The following CAMSAP1 variants were observed in gnomAD, a reference collection of about 807,000 sequenced individuals.
CAMSAP1 encodes calmodulin-regulated spectrin-associated protein 1.
CAMSAP1 carries 58 observed loss-of-function variants against 143.5 expected under a neutral mutation model. That is an observed-to-expected ratio of 0.40 (90% CI 0.33 to 0.50). The LOEUF (loss-of-function observed/expected upper bound fraction) is 0.50. CAMSAP1 is among the 20% of genes least tolerant of loss of function. The pLI is 0.45. For missense variants in CAMSAP1, 1,969 were observed against 2,115.7 expected (o/e 0.93, Z 1.36); for synonymous variants, 945 against 859.3 (o/e 1.10, Z -1.74).
chr9:135,890,980 A>C (rs866830664), intron 1 of CAMSAP1, among the ~76,000 whole-genome samples: 4 of 152,338 alleles, frequency 2.6e-5, no homozygotes, highest in Non-Finnish European at 4.4e-5. Flanking sequence ...CTGGAAAGTA[A>C]GCTGCAGCAG....
chr9:135,829,027 A>G (rs1371167377), intron 7 of CAMSAP1, among the ~76,000 whole-genome samples: 2 of 152,252 alleles, frequency 1.3e-5, no homozygotes, highest in African/African-American at 4.8e-5. Flanking sequence ...GTTCATCACC[A>G]CTGCACCTGC....
intron 16 of CAMSAP1, among the ~76,000 whole-genome samples, chr9:135,813,210 C>T (rs138272178): frequency 6.6e-4 from 101 of 152,284 alleles, no homozygotes; most frequent in Middle Eastern, 3.4e-3. Context: ...AAGGCCTCAT[C>T]GCCTCTCCCA....
At chr9:135,892,969 G>A (rs1354590344) in intron 1 of CAMSAP1, among the ~76,000 whole-genome samples, 2 of 151,674 alleles carry the variant, frequency 1.3e-5, no homozygotes, top group African/African-American at 2.4e-5. Flanking sequence ...AGCAGTTTGA[G>A]ACCAGCCTAG....
chr9:135,837,219 G>A (rs1051017330), intron 7 of CAMSAP1, among the ~76,000 whole-genome samples: 2 of 143,702 alleles, frequency 1.4e-5, no homozygotes, highest in South Asian at 2.2e-4. Flanking sequence ...ACGTCACCAC[G>A]GACATTCTAC....
intron 1 of CAMSAP1, among the ~76,000 whole-genome samples, chr9:135,891,179 T>G (rs1838279496): frequency 5.3e-5 from 8 of 152,172 alleles, no homozygotes; most frequent in Admixed American, 5.2e-4. Context: ...GGGGGAATCC[T>G]GAGGGCTCCC....
chr9:135,889,933 G>A (rs938573101), intron 1 of CAMSAP1, among the ~76,000 whole-genome samples: 28 of 152,144 alleles, frequency 1.8e-4, no homozygotes, highest in African/African-American at 6.8e-4. Context: ...AAGAAATCTC[G>A]AGGCCCCCAA....
intron 7 of CAMSAP1, 127 bp from the exon 8 acceptor site, chr9:135,827,711 G>A: frequency 4.6e-6 from 4 of 862,554 alleles, no homozygotes; most frequent in Non-Finnish European, 5.0e-6. Flanking sequence ...AAAAAAAACT[G>A]GTTTCAAGTT....
intron 3 of CAMSAP1, among the ~76,000 whole-genome samples, chr9:135,879,416 C>T (rs938323384): frequency 2.6e-5 from 4 of 151,984 alleles, no homozygotes; most frequent in African/African-American, 9.7e-5. Context: ...CAAAAAAATA[C>T]GGGCAAAGAT....
Position 135,820,929 on chromosome 9 carries a change from G to A in CAMSAP1, c.3732C>T (p.Pro1244=), listed in dbSNP as rs17040507. ...IEVDLSDLKA[P]DEDGELVSLD... is the part of the protein sequence containing the mutation. ...GGCTTACCAGCTCCCCATCCTCGTC[G>A]GGGGCCTTCAGGTCGGAGAGGTCCA... The change falls in exon 11 of 17, where the codon CCC becomes CCT. Residue 1244 remains proline, a synonymous_variant. Coordinates refer to ENST00000389532, the MANE Select transcript of CAMSAP1 (RefSeq NM_015447.4). The surrounding 1 kb of genome is among the most constrained non-coding windows in gnomAD (Gnocchi z 4.4). The A allele has an allele frequency of 1.7e-3, 2,685 of 1,613,686 alleles. 39 individuals are homozygous for A. In the Admixed American group the frequency reaches 0.03, roughly 18 times the overall value.
intron 3 of CAMSAP1, among the ~76,000 whole-genome samples, chr9:135,869,282 C>T (rs1244159398): frequency 6.6e-6 from 1 of 151,972 alleles, no homozygotes; most frequent in Non-Finnish European, 1.5e-5. Context: ...GCAGATGGAG[C>T]TCTTGAGCTC....
intron 7 of CAMSAP1, among the ~76,000 whole-genome samples, chr9:135,843,145 T>C (rs1836421279): frequency 6.6e-6 from 1 of 151,962 alleles, no homozygotes; most frequent in Non-Finnish European, 1.5e-5. Flanking sequence ...CTGACCAACA[T>C]GGAGAAACCC....
In CAMSAP1 at chr9:135,907,420, C is replaced by CAGGGGG. The variant is rs908044122; in HGVS notation, c.-262_-261insCCCCCT. Among the ~76,000 whole-genome samples the CAGGGGG allele has an allele frequency of 1.4e-5, 2 of 145,860 alleles. No homozygotes were observed. The highest frequency in any genetic ancestry group is 4.9e-5 in the African/African-American group (2 of 40,706). On this transcript the variant is annotated 5_prime_UTR_variant, in exon 1 of 17. Coordinates refer to ENST00000389532, the MANE Select transcript of CAMSAP1 (RefSeq NM_015447.4). ...AGAGGCGGCGGCAGGAGGGCGCGGG[C>CAGGGGG]CGGGGGCGGGGGCGGGCGCGGGGGC...
intron 1 of CAMSAP1, among the ~76,000 whole-genome samples, chr9:135,885,243 CCA>C (rs1838085601): frequency 6.6e-6 from 1 of 152,200 alleles, no homozygotes; most frequent in African/African-American, 2.4e-5. Flanking sequence ...GCTAGAAATA[CCA>C]CAGACACACA....
chr9:135,900,062 G>A (rs1357279347), intron 1 of CAMSAP1, among the ~76,000 whole-genome samples: 2 of 152,156 alleles, frequency 1.3e-5, no homozygotes, highest in East Asian at 3.9e-4. Flanking sequence ...ATCTTGCTCT[G>A]TTACCCAAGC....
Position 135,824,478 on chromosome 9 carries a change from G to A in CAMSAP1, c.1315+311C>T, listed in dbSNP as rs989149294. 1.4e-4 allele frequency among the ~76,000 whole-genome samples: 22 copies of A among 152,080 alleles called. No individual in the cohort carries two copies. Among genetic ancestry groups the A allele is most frequent in the Admixed American group, 3.3e-4 (5 of 15,256 alleles). On this transcript the variant is annotated intron_variant, in intron 9 of 16. Coordinates refer to ENST00000389532, the MANE Select transcript of CAMSAP1 (RefSeq NM_015447.4). This position sits in a 1 kb window ranked among gnomAD's most constrained non-coding sequence, Gnocchi z 4.1. ...CTAGGAGATCGAGACCATCCTGGCC[G>A]ACATGATGAAACCCTGTCTCTACTA...
At chr9:135,905,599 A>C (rs1396705615) in intron 1 of CAMSAP1, among the ~76,000 whole-genome samples, 1 of 152,218 alleles carries the variant, frequency 6.6e-6, no homozygotes, top group Non-Finnish European at 1.5e-5. Flanking sequence ...GAAATGTGGA[A>C]AAGTGAAGAT....
At position 135,861,862 on chromosome 9, in the gene CAMSAP1, G is replaced by A. The variant is rs543867158; in HGVS notation, c.808+605C>T. On this transcript the variant is annotated intron_variant, in intron 5 of 16. Coordinates refer to ENST00000389532, the MANE Select transcript of CAMSAP1 (RefSeq NM_015447.4). Reference sequence around the variant, plus strand: ...AGCCCCTGTCCAGACACCCACTGTCGTGCTGGTGACAGTCACTCTCTCTCT... The same window carrying A: ...AGCCCCTGTCCAGACACCCACTGTCATGCTGGTGACAGTCACTCTCTCTCT... Among the ~76,000 whole-genome samples the A allele has an allele frequency of 2.2e-4, 33 of 152,278 alleles. No individual in the cohort carries two copies. The South Asian group carries it at 4.6e-3, about 21-fold the overall frequency.
chr9:135,900,004 T>G (rs1227315529), intron 1 of CAMSAP1, among the ~76,000 whole-genome samples: 3 of 152,164 alleles, frequency 2.0e-5, no homozygotes, highest in Admixed American at 1.3e-4. Flanking sequence ...CAGTTCACAA[T>G]GTAATGCCCA....
intron 16 of CAMSAP1, among the ~76,000 whole-genome samples, chr9:135,814,032 C>T (rs1835143814): frequency 6.6e-6 from 1 of 152,210 alleles, no homozygotes; most frequent in African/African-American, 2.4e-5. Context: ...CGACTCCACA[C>T]TGAGGGCCAC....
Sources: gnomAD v4.1 joint callset for allele counts (sites outside exome capture counted in the v4.1 genomes callset) on GRCh38, gnomAD v4.1.1 for gene constraint, Gnocchi (gnomAD v3.1) non-coding constraint, MANE v1.5 for transcripts, NCBI Gene and HGNC (gene_info 2026-07-23, HGNC 2026-07-21) for gene names.